The following XKR6 variants were observed in gnomAD, a reference collection of about 807,000 sequenced individuals.
XKR6 encodes the protein XK-related protein 6.
A neutral mutation model predicts 56.7 loss-of-function variants in XKR6; 22 were observed. The ratio of observed to expected loss-of-function variants is 0.39; its 90% CI spans 0.28 to 0.55. The LOEUF (loss-of-function observed/expected upper bound fraction) is 0.55, where lower values mean the gene tolerates loss of function less well. XKR6 is among the 20% of genes least tolerant of loss of function. XKR6 has a pLI of 0.66. For missense variants in XKR6, 852 were observed against 889.0 expected (o/e 0.96, Z 0.53); for synonymous variants, 524 against 387.8 (o/e 1.35, Z -4.13).
In XKR6 at chr8:11,158,209, C is replaced by T. The variant is rs1417457889; in HGVS notation, c.764+42367G>A. ...ATAATGACAGGGGAAATACAGTGTGCAATGGAAGCAGAGAGCAGAAGCATC... is the reference window on the plus strand; with the variant it reads ...ATAATGACAGGGGAAATACAGTGTGTAATGGAAGCAGAGAGCAGAAGCATC... On this transcript the variant is annotated intron_variant, in intron 1 of 2. Transcript: ENST00000416569. Among the ~76,000 whole-genome samples, 5 of 151,982 alleles carry T rather than the reference C, an allele frequency of 3.3e-5. No homozygotes were observed. The South Asian group carries it at 1.0e-3, about 32-fold the overall frequency.
At chr8:11,039,204 C>G (rs1799222789) in intron 1 of XKR6, among the ~76,000 whole-genome samples, 1 of 152,194 alleles carries the variant, frequency 6.6e-6, no homozygotes, top group African/African-American at 2.4e-5. Context: ...AGGCCACCAG[C>G]CAATGTACTG....
At chr8:10,900,346 C>T (rs1451707083) in intron 2 of XKR6, among the ~76,000 whole-genome samples, 3 of 152,198 alleles carry the variant, frequency 2.0e-5, no homozygotes, top group African/African-American at 4.8e-5. Context: ...CACAACTCTC[C>T]GAAGCCCGAT....
chr8:10,981,003 T>C (rs1334853288), intron 1 of XKR6, among the ~76,000 whole-genome samples: 1 of 152,076 alleles, frequency 6.6e-6, no homozygotes, highest in African/African-American at 2.4e-5. Context: ...GAGCCCAACA[T>C]TGTTCTTTCG....
chr8:11,079,574 A>T (rs6995956), intron 1 of XKR6, among the ~76,000 whole-genome samples: 2,436 of 152,354 alleles, frequency 0.016, 80 homozygotes, highest in African/African-American at 0.056. Context: ...AGGAAATGGC[A>T]TCAGGAAAAG....
intron 1 of XKR6, among the ~76,000 whole-genome samples, chr8:10,971,166 A>T (rs1039441878): frequency 1.3e-5 from 2 of 151,890 alleles, no homozygotes; most frequent in African/African-American, 2.4e-5. Context: ...TCACGCCTGT[A>T]ATCCCAGCAC....
At chr8:10,967,722 C>T (rs1287228844) in intron 1 of XKR6, among the ~76,000 whole-genome samples, 2 of 152,200 alleles carry the variant, frequency 1.3e-5, no homozygotes, top group Non-Finnish European at 2.9e-5. Context: ...CATTCAGCAG[C>T]AAGAAAGCAG....
Position 11,016,759 on chromosome 8 carries a change from C to T in XKR6, c.765-91929G>A, listed in dbSNP as rs1289763142. ...CGCTTGCTCCCCAACCCCTCCTTGC[C>T]CCGCTCTGAGCCGGCGCGTCCTTGC... On this transcript the variant is annotated intron_variant, in intron 1 of 2. Transcript: ENST00000416569. Among the ~76,000 whole-genome samples, 3 of 152,332 alleles carry T rather than the reference C, an allele frequency of 2.0e-5. No homozygotes were observed. The East Asian group carries it at 5.8e-4, about 29-fold the overall frequency.
rs563951314 is a variant in XKR6 at position 10,903,823 on chromosome 8, G to A, written c.962-4907C>T. ...ACCGCAGCCTGAGCAGACGTACACC[G>A]TGCGGACAGAACTGTGCACAGCCAC... is the stretch of plus-strand genomic sequence containing the variant. On this transcript the variant is annotated intron_variant, in intron 2 of 2. Coordinates refer to ENST00000416569, the MANE Select transcript of XKR6 (RefSeq NM_173683.4). Among the ~76,000 whole-genome samples the A allele has an allele frequency of 4.6e-5, 7 of 152,276 alleles. No individual in the cohort carries two copies. The East Asian group carries it at 5.8e-4, about 13-fold the overall frequency.
chr8:11,161,656 A>G (rs1026650912), intron 1 of XKR6, among the ~76,000 whole-genome samples: 46 of 152,340 alleles, frequency 3.0e-4, no homozygotes, highest in Admixed American at 5.2e-4. Context: ...AGTGGCTCCT[A>G]TAGTTCTTTA....
chr8:11,169,512 C>G (rs992030339), intron 1 of XKR6, among the ~76,000 whole-genome samples: 2 of 152,114 alleles, frequency 1.3e-5, no homozygotes, highest in Non-Finnish European at 2.9e-5. Flanking sequence ...AAACATTATG[C>G]TAAGTTAAAT....
intron 1 of XKR6, among the ~76,000 whole-genome samples, chr8:11,097,633 C>A (rs897712226): frequency 6.6e-6 from 1 of 151,714 alleles, no homozygotes; most frequent in South Asian, 2.1e-4. Context: ...CATGGTGAAA[C>A]CCCATCTCTA....
chr8:10,948,437 T>G (rs1357795737), intron 1 of XKR6, among the ~76,000 whole-genome samples: 1 of 152,122 alleles, frequency 6.6e-6, no homozygotes, highest in Non-Finnish European at 1.5e-5. Context: ...CCCCCTGCCC[T>G]GGCTGAGTGG....
chr8:10,952,845 T>C (rs1345939091), intron 1 of XKR6, among the ~76,000 whole-genome samples: 1 of 152,188 alleles, frequency 6.6e-6, no homozygotes, highest in Non-Finnish European at 1.5e-5. Flanking sequence ...GGAACCCAGC[T>C]GCACAGCAGG....
At chr8:10,905,273 C>G (rs1348391293) in intron 2 of XKR6, among the ~76,000 whole-genome samples, 1 of 152,186 alleles carries the variant, frequency 6.6e-6, no homozygotes, top group Non-Finnish European at 1.5e-5. Context: ...AGCTGTCACT[C>G]AGGTCGTGCG....
intron 1 of XKR6, among the ~76,000 whole-genome samples, chr8:11,175,751 G>C (rs947220044): frequency 6.6e-6 from 1 of 152,080 alleles, no homozygotes; most frequent in Non-Finnish European, 1.5e-5. Context: ...CGTACACTAT[G>C]CTTCCTTCTC....
chr8:11,022,709 G>C (rs777802593), intron 1 of XKR6, among the ~76,000 whole-genome samples: 2 of 152,188 alleles, frequency 1.3e-5, no homozygotes, highest in Non-Finnish European at 2.9e-5. Flanking sequence ...GTTATCTTGC[G>C]CAAGGCCCTG....
chr8:11,160,049 T>G (rs1366251232), intron 1 of XKR6, among the ~76,000 whole-genome samples: 1 of 152,172 alleles, frequency 6.6e-6, no homozygotes, highest in Non-Finnish European at 1.5e-5. Context: ...TCATCAAATG[T>G]AAGACTCATC....
At chr8:11,015,350 T>C (rs1454519740) in intron 1 of XKR6, among the ~76,000 whole-genome samples, 1 of 152,216 alleles carries the variant, frequency 6.6e-6, no homozygotes, top group Non-Finnish European at 1.5e-5. Context: ...AATTTTTTTT[T>C]TCGGTCCAGA....
At chr8:10,962,454 G>A (rs1274373537) in intron 1 of XKR6, among the ~76,000 whole-genome samples, 1 of 152,178 alleles carries the variant, frequency 6.6e-6, no homozygotes, top group African/African-American at 2.4e-5. Context: ...TCCCGGGGCT[G>A]CAGCCTAGGG....
Sources: allele counts gnomAD v4.1 joint callset (sites outside exome capture counted in the v4.1 genomes callset), GRCh38; gene constraint gnomAD v4.1.1; transcripts MANE v1.5; gene names NCBI Gene and HGNC (gene_info 2026-07-23, HGNC 2026-07-21).